SLC12A5: variants seen among roughly 807,000 people sequenced by gnomAD.
SLC12A5 encodes solute carrier family 12 member 5.
In SLC12A5, 18 loss-of-function variants were observed where a neutral mutation model predicts 124.0. The ratio of observed to expected loss-of-function variants is 0.15; its 90% CI spans 0.10 to 0.22. The LOEUF (loss-of-function observed/expected upper bound fraction) is 0.22. Ranked by LOEUF, SLC12A5 falls within the 10% of genes least tolerant of loss-of-function variation. The pLI, the probability that SLC12A5 is intolerant of heterozygous loss-of-function variation, is 1.00. For missense variants in SLC12A5, 867 were observed against 1,478.7 expected (o/e 0.59, Z 6.78); for synonymous variants, 589 against 568.0 (o/e 1.04, Z -0.53).
At position 46,045,233 on chromosome 20, in the gene SLC12A5, T is replaced by A; in HGVS notation, c.1569+93T>A. 7.1e-7 allele frequency: 1 copy of A among 1,408,000 alleles called. No individual in the cohort carries two copies. Among genetic ancestry groups the A allele is most frequent in the Non-Finnish European group, 9.4e-7 (1 of 1,059,008 alleles). The allele number at this position is 1,408,000 out of a possible 1,614,324, so 87.2% of individuals were successfully genotyped here. A position where few individuals can be genotyped will look rare whatever the true frequency, so the allele number is the denominator to read the frequency against. ...AGTGACCCAGGGCCATAACCAGCCT[T>A]AGACTACCTCCTGGGCCACTTCTGC... is the stretch of plus-strand genomic sequence containing the variant. On this transcript the variant is annotated intron_variant, in intron 12 of 25. Coordinates refer to ENST00000243964, the MANE Select transcript of SLC12A5 (RefSeq NM_020708.5). This position sits in a 1 kb window ranked among gnomAD's most constrained non-coding sequence, Gnocchi z 4.9.
intron 11 of SLC12A5, among the ~76,000 whole-genome samples, chr20:46,044,439 G>C (rs2084575523): frequency 6.6e-6 from 1 of 152,188 alleles, no homozygotes; most frequent in South Asian, 2.1e-4. Flanking sequence ...CTTCTCAGAG[G>C]AGGGGAGGCT....
Position 46,043,435 on chromosome 20 carries a change from G to GT in SLC12A5, c.1237+113dup, listed in dbSNP as rs1376985973. ...CAAAAACCCCATCATGAAAGCAACC[G>GT]TAACATTTCACTTCCCATTGGAGAG... On this transcript the variant is annotated intron_variant, in intron 9 of 25. Coordinates refer to ENST00000243964, the MANE Select transcript of SLC12A5 (RefSeq NM_020708.5). The GT allele has an allele frequency of 4.4e-6, 6 of 1,376,770 alleles. No homozygotes were observed. In the African/African-American group the frequency reaches 5.7e-5, roughly 13 times the overall value. The allele number at this position is 1,376,770 out of a possible 1,614,324, so 85.3% of individuals were successfully genotyped here.
chr20:46,031,379 G>A (rs934783425), intron 1 of SLC12A5, among the ~76,000 whole-genome samples: 1 of 152,194 alleles, frequency 6.6e-6, no homozygotes, highest in African/African-American at 2.4e-5. Flanking sequence ...GTCCCAGAGA[G>A]AGAAGTCCCC....
In SLC12A5 at chr20:46,054,903, T is replaced by C; in HGVS notation, c.2680-13T>C. 3 of 1,467,762 alleles carry C rather than the reference T, an allele frequency of 2.0e-6. No homozygotes were observed. The highest frequency in any genetic ancestry group is 2.8e-6 in the Non-Finnish European group (3 of 1,056,730). The allele number at this position is 1,467,762 out of a possible 1,614,324, so 90.9% of individuals were successfully genotyped here. A position where few individuals can be genotyped will look rare whatever the true frequency, so the allele number is the denominator to read the frequency against. ...CTCCCCACCCCCCAACCCCAACCTC[T>C]GTCTGCCCACAGCATGAGAGCGACA... On this transcript the variant is annotated splice_polypyrimidine_tract_variant and intron_variant, in intron 20 of 25. Transcript: ENST00000243964.
chr20:46,022,898 G>A, intron 1 of SLC12A5: 1 of 395,012 alleles, frequency 2.5e-6, no homozygotes, highest in Non-Finnish European at 4.4e-6. Context: ...AGGCCCTCGG[G>A]TCTGGAAGGA....
Position 46,059,194 on chromosome 20 carries a change from G to A in SLC12A5, c.*1589G>A, listed in dbSNP as rs1431728977. On this transcript the variant is annotated 3_prime_UTR_variant, in exon 26 of 26. Coordinates refer to ENST00000243964, the MANE Select transcript of SLC12A5 (RefSeq NM_020708.5). ...ACAGTACCTCCAGCCCCAGGGCCCT[G>A]ACCTGCGCACCTAGCTTGACATCTC... 1.3e-5 allele frequency: 3 copies of A among 226,496 alleles called. No homozygotes were observed. Among genetic ancestry groups the A allele is most frequent in the Non-Finnish European group, 2.6e-5 (3 of 117,590 alleles). The allele number at this position is 226,496 out of a possible 1,614,324, so 14.0% of individuals were successfully genotyped here. A position where few individuals can be genotyped will look rare whatever the true frequency, so the allele number is the denominator to read the frequency against.
At chr20:46,028,319 C>T (rs2084416057), upstream of SLC12A5, among the ~76,000 whole-genome samples, 1 of 152,198 alleles carries the variant, frequency 6.6e-6, no homozygotes, top group African/African-American at 2.4e-5. Flanking sequence ...CCGGCCTGTC[C>T]TCCCTAGAGG....
chr20:46,022,980 G>GGAGGAGGAGGAA (rs1416384931), exon 2 of SLC12A5: 56 of 370,918 alleles, frequency 1.5e-4, no homozygotes, highest in South Asian at 5.4e-4. Flanking sequence ...AGGAGGAAGA[G>GGAGGAGGAGGAA]GAGGAGGAGG....
chr20:46,029,472 G>A, intron 1 of SLC12A5, 76 bp downstream of exon 1: 1 of 1,465,208 alleles, frequency 6.8e-7, no homozygotes, highest in Admixed American at 2.2e-5. Context: ...AGGCGGAGCG[G>A]GGGCCACCTC....
At chr20:46,040,654 AC>A in intron 7 of SLC12A5, 40 bp downstream of exon 7, 1 of 1,602,708 alleles carries the variant, frequency 6.2e-7, no homozygotes, top group Non-Finnish European at 8.5e-7. Context: ...TCGTCCTCCT[AC>A]CTCCCTGGCC....
At chr20:46,047,333 C>G (rs1447513313) in intron 14 of SLC12A5, 121 bp from the exon 15 acceptor site, 1 of 1,335,230 alleles carries the variant, frequency 7.5e-7, no homozygotes, top group Non-Finnish European at 1.0e-6. Flanking sequence ...TTCCCCTAGA[C>G]CGGGCTGTCA....
At chr20:46,033,550 C>T (rs2084472005) in intron 1 of SLC12A5, among the ~76,000 whole-genome samples, 1 of 152,190 alleles carries the variant, frequency 6.6e-6, no homozygotes, top group Non-Finnish European at 1.5e-5. Flanking sequence ...TCTCTTTCTC[C>T]TGCCTAGCCT....
At position 46,059,634 on chromosome 20, in the gene SLC12A5, G is replaced by A. The variant is rs897459293; in HGVS notation, c.*2029G>A. ...TGGCAAGAGCAAAGTTTCCGTTGAT[G>A]AAACAGACATCCCACAACAAAAACC... On this transcript the variant is annotated 3_prime_UTR_variant, in exon 26 of 26. Transcript: ENST00000243964. 4 of 398,948 alleles carry A rather than the reference G, an allele frequency of 1.0e-5. No homozygotes were observed. The highest frequency in any genetic ancestry group is 8.2e-5 in the African/African-American group (4 of 48,616). 24.7% of individuals were successfully genotyped at this position (398,948 alleles called of 1,614,324 possible).
chr20:46,052,837 C>A, intron 18 of SLC12A5, 120 bp from the exon 19 acceptor site: 1 of 1,137,554 alleles, frequency 8.8e-7, no homozygotes, highest in Non-Finnish European at 1.2e-6. Flanking sequence ...CAGCCCATGG[C>A]CAAGGCCAGT....
upstream of SLC12A5, among the ~76,000 whole-genome samples, chr20:46,028,391 C>G (rs1228402850): frequency 6.6e-6 from 1 of 152,150 alleles, no homozygotes; most frequent in Non-Finnish European, 1.5e-5. Context: ...TCTTCTGCTC[C>G]TCCTCACCAG....
At chr20:46,027,761 G>A (rs968407701), upstream of SLC12A5, 1 of 152,216 alleles carries the variant, frequency 6.6e-6, no homozygotes, top group African/African-American at 2.4e-5. Context: ...TCAATGAAGA[G>A]AGTCCTAAAC....
chr20:46,036,725 A>T lies in SLC12A5; in HGVS notation c.427-16A>T, dbSNP rs781525443. ...CCCTACCCCAGCCACCGCTCTGATG[A>T]TCTCTTTCCTCACAGACGATGCTCA... On this transcript the variant is annotated splice_polypyrimidine_tract_variant and intron_variant, in intron 4 of 25. Transcript: ENST00000243964. The T allele has an allele frequency of 1.1e-5, 17 of 1,613,428 alleles. No homozygotes were observed. Among genetic ancestry groups the T allele is most frequent in the African/African-American group, 1.3e-5 (1 of 74,866 alleles).
intron 1 of SLC12A5, among the ~76,000 whole-genome samples, chr20:46,030,475 G>A: frequency 4.8e-5 from 1 of 20,848 alleles, no homozygotes; most frequent in African/African-American, 2.0e-4. Flanking sequence ...GCCCCCCGCC[G>A]CCCCCGAGCG....
intron 6 of SLC12A5, among the ~76,000 whole-genome samples, chr20:46,037,767 G>A (rs2084511446): frequency 6.6e-6 from 1 of 152,212 alleles, no homozygotes; most frequent in African/African-American, 2.4e-5. Flanking sequence ...GAGGTGGGTT[G>A]ATGAGTTAAA....
Sources: allele counts gnomAD v4.1 joint callset (sites outside exome capture counted in the v4.1 genomes callset), GRCh38; gene constraint gnomAD v4.1.1; non-coding constraint Gnocchi (gnomAD v3.1); transcripts MANE v1.5; gene names NCBI Gene and HGNC (gene_info 2026-07-23, HGNC 2026-07-21).